Variants in LAMA3 observed in about 807,000 individuals in gnomAD.
The protein encoded by LAMA3 is laminin subunit alpha-3.
LAMA3 carries 281 observed loss-of-function variants against 402.0 expected under a neutral mutation model. That is an observed-to-expected ratio of 0.70 (90% CI 0.63 to 0.77). The LOEUF is 0.77. Ranked by LOEUF, LAMA3 falls within the 30% of genes least tolerant of loss-of-function variation. The pLI is 0.00. For synonymous variants in LAMA3, 1,431 were observed against 1,558.4 expected (o/e 0.92, Z 1.93); for missense variants, 3,840 against 4,215.5 (o/e 0.91, Z 2.47).
chr18:23,705,518 T>A (rs7505751), intron 1 of LAMA3, among the ~76,000 whole-genome samples: 1 of 150,544 alleles, frequency 6.6e-6, no homozygotes, highest in African/African-American at 2.4e-5. Context: ...TACACACATA[T>A]GCACACACAC....
In LAMA3 at chr18:23,847,475, G is replaced by C; in HGVS notation, c.3943G>C (p.Gly1315Arg). ...TATCCCCTGGCCAGCGTGCAGCTGTGGTCGGCGCCTTTGTGAAGAGATGAC... is the reference window on the plus strand; with the variant it reads ...TATCCCCTGGCCAGCGTGCAGCTGTCGTCGGCGCCTTTGTGAAGAGATGAC... ...GFPRCKPCSC[G>R]RRLCEEMTGQ... The change falls in exon 32 of 75, where the codon GGT (glycine) becomes CGT (arginine). Residue 1315 changes from glycine to arginine, a missense_variant. Physicochemically the swap from Gly to Arg is moderately radical, Grantham distance 125 (BLOSUM62 -2). This residue lies in a region of LAMA3 where 2,109 missense variants were observed against 2,376.0 expected (regional missense o/e 0.89). Coordinates refer to ENST00000313654, the MANE Select transcript of LAMA3 (RefSeq NM_198129.4). 1.2e-6 allele frequency: 2 copies of C among 1,612,438 alleles called. No homozygotes were observed. The highest frequency in any genetic ancestry group is 8.5e-7 in the Non-Finnish European group (1 of 1,180,018).
chr18:23,697,606 C>T (rs1189941747), intron 1 of LAMA3, among the ~76,000 whole-genome samples: 2 of 152,128 alleles, frequency 1.3e-5, no homozygotes, highest in East Asian at 1.9e-4. Context: ...GCCAGCATGA[C>T]GTTCAAAGAA....
chr18:23,876,436 A>G, intron 39 of LAMA3, 29 bp downstream of exon 39: 1 of 1,402,636 alleles, frequency 7.1e-7, no homozygotes, highest in Non-Finnish European at 1.0e-6. Context: ...TAATGCTATC[A>G]GCAGACAATC....
Position 23,954,943 on chromosome 18 carries a change from A to C in LAMA3, c.*295A>C, listed in dbSNP as rs1386781056. The C allele has an allele frequency of 2.7e-6, 1 of 377,126 alleles. No individual in the cohort carries two copies. The highest frequency in any genetic ancestry group is 5.7e-5 in the East Asian group (1 of 17,608). The allele number at this position is 377,126 out of a possible 1,614,324, so 23.4% of individuals were successfully genotyped here. ...ACTAAAAAATTAAATGTCTTTTAAG[A>C]AACATTCTTTTCCACTTGTTAAAAA... On this transcript the variant is annotated 3_prime_UTR_variant, in exon 75 of 75. Coordinates refer to ENST00000313654, the MANE Select transcript of LAMA3 (RefSeq NM_198129.4).
In LAMA3 at chr18:23,749,523, A is replaced by G; in HGVS notation, c.661A>G (p.Ile221Val). 1.2e-6 allele frequency: 2 copies of G among 1,606,140 alleles called. No individual in the cohort carries two copies. The change falls in exon 4 of 75, where the codon ATT (isoleucine) becomes GTT (valine). Residue 221 changes from isoleucine to valine, a missense_variant. Around this residue, in one of 3 missense-constraint regions of LAMA3, gnomAD observed 2,109 missense variants for 2,376.0 expected, o/e 0.89. Transcript: ENST00000313654. The part of the protein sequence containing the change: ...DVLCVTEYSR[I>V]VPLENGEVVV... The stretch of plus-strand genomic sequence containing the variant: ...ACTTTGTGTTACTGAATATTCCCGT[A>G]TTGTACCTTTGGAAAATGGTGAGGT...
chr18:23,781,781 C>A (rs1045234767), intron 11 of LAMA3, among the ~76,000 whole-genome samples: 5 of 152,152 alleles, frequency 3.3e-5, no homozygotes, highest in African/African-American at 4.8e-5. Context: ...AATTTTATGA[C>A]CTGCTTTTAG....
In LAMA3 at chr18:23,846,451, A is replaced by G; in HGVS notation, c.3874A>G (p.Ile1292Val). The stretch of plus-strand genomic sequence containing the variant: ...GCAGTGCCCATGCCAGCCCAACGTC[A>G]TCGGGCGGCAGTGCACCCGCTGTGC... ...GGQCPCQPNVIGRQCTRCATG... is the reference protein window; with the variant it reads ...GGQCPCQPNVVGRQCTRCATG... Residue 1292 changes from isoleucine to valine, a missense_variant, in exon 31 of 75, where the codon ATC (isoleucine) becomes GTC (valine). By Grantham distance (29) the Ile-to-Val change is conservative. Around this residue, in one of 3 missense-constraint regions of LAMA3, gnomAD observed 2,109 missense variants for 2,376.0 expected, o/e 0.89. Transcript: ENST00000313654. The G allele has an allele frequency of 1.2e-6, 2 of 1,613,548 alleles. No homozygotes were observed. The highest frequency in any genetic ancestry group is 2.7e-5 in the African/African-American group (2 of 75,066).
At chr18:23,744,946 T>C (rs2061625945) in intron 2 of LAMA3, among the ~76,000 whole-genome samples, 1 of 152,054 alleles carries the variant, frequency 6.6e-6, no homozygotes, top group African/African-American at 2.4e-5. Context: ...AATCCTTGAT[T>C]AAATTCCGAA....
In LAMA3 at chr18:23,833,261, G is replaced by T. The variant is rs556499616; in HGVS notation, c.2824-567G>T. On this transcript the variant is annotated intron_variant, in intron 23 of 74. Transcript: ENST00000313654. Reference sequence around the variant, plus strand: ...ACAGTTTTTCTTAATGAAACAAAACGTGTGTGCATATTTGGGCATAGAAAA... The same window carrying T: ...ACAGTTTTTCTTAATGAAACAAAACTTGTGTGCATATTTGGGCATAGAAAA... Among the ~76,000 whole-genome samples, 3 of 152,256 alleles carry T rather than the reference G, an allele frequency of 2.0e-5. No individual in the cohort carries two copies. The East Asian group carries it at 5.8e-4, about 29-fold the overall frequency.
chr18:23,810,749 G>A (rs1415802612), intron 13 of LAMA3, among the ~76,000 whole-genome samples: 2 of 152,150 alleles, frequency 1.3e-5, no homozygotes, highest in Non-Finnish European at 2.9e-5. Flanking sequence ...AAATTTCCAT[G>A]TGCTATACAT....
intron 37 of LAMA3, among the ~76,000 whole-genome samples, chr18:23,868,235 C>G (rs2064413841): frequency 6.6e-6 from 1 of 152,070 alleles, no homozygotes; most frequent in African/African-American, 2.4e-5. Context: ...AATTCTGAAA[C>G]TTGGATCACT....
chr18:23,943,775 A>G lies in LAMA3; in HGVS notation c.9027-13A>G, dbSNP rs115536623. 228 of 1,613,772 alleles carry G rather than the reference A, an allele frequency of 1.4e-4. 1 individual carries two copies. The African/African-American group carries it at 2.7e-3, about 19-fold the overall frequency. On this transcript the variant is annotated splice_polypyrimidine_tract_variant and intron_variant, in intron 68 of 74. Transcript: ENST00000313654. Reference sequence around the variant, plus strand: ...ACACCTCTATTTCCCTTCATCGCCGATGTTCCCAACAGGTCACAGTTTGCT... The same window carrying G: ...ACACCTCTATTTCCCTTCATCGCCGGTGTTCCCAACAGGTCACAGTTTGCT...
intron 74 of LAMA3, among the ~76,000 whole-genome samples, chr18:23,954,178 G>A (rs1207549206): frequency 6.6e-6 from 1 of 152,046 alleles, no homozygotes; most frequent in African/African-American, 2.4e-5. Flanking sequence ...GAGGCGGGAG[G>A]ATCACTTGAG....
At chr18:23,815,910 TAG>T (rs2144341498) in intron 17 of LAMA3, among the ~76,000 whole-genome samples, 2 of 152,332 alleles carry the variant, frequency 1.3e-5, no homozygotes, top group East Asian at 1.9e-4. Context: ...ATCAGATTTT[TAG>T]AGACAGTGTT....
intron 33 of LAMA3, 110 bp downstream of exon 33, chr18:23,858,098 T>C (rs2064128456): frequency 8.0e-7 from 1 of 1,248,686 alleles, no homozygotes; most frequent in South Asian, 1.2e-5. Context: ...CCGTAAGAGA[T>C]GTTGATAGTG....
intron 1 of LAMA3, chr18:23,710,288 C>A: frequency 1.9e-6 from 1 of 520,466 alleles, no homozygotes; most frequent in Non-Finnish European, 3.5e-6. Context: ...TCGGCGCCAT[C>A]TTGTGAAAAG....
intron 60 of LAMA3, among the ~76,000 whole-genome samples, chr18:23,920,061 A>G (rs1018968104): frequency 6.6e-6 from 1 of 152,178 alleles, no homozygotes; most frequent in Admixed American, 6.5e-5. Context: ...TGAGAAAGAA[A>G]AAAAATGACT....
At position 23,827,421 on chromosome 18, in the gene LAMA3, A is replaced by T; in HGVS notation, c.2777A>T (p.Gln926Leu). 1 of 1,614,204 alleles carries T rather than the reference A, an allele frequency of 6.2e-7. No individual in the cohort carries two copies. Among genetic ancestry groups the T allele is most frequent in the African/African-American group, 1.3e-5 (1 of 75,070 alleles). Residue 926 changes from glutamine to leucine, a missense_variant, in exon 23 of 75, where the codon CAG becomes CTG. Physicochemically the swap from Gln to Leu is moderately radical, Grantham distance 113 (BLOSUM62 -2). This residue lies in a region of LAMA3 where 2,109 missense variants were observed against 2,376.0 expected (regional missense o/e 0.89). Coordinates refer to ENST00000313654, the MANE Select transcript of LAMA3 (RefSeq NM_198129.4). ...GAGCCAAGACCCGTGGCAGTGAGGCAGCCCACACCTGCACACCCTGTCATG... is the reference window on the plus strand; with the variant it reads ...GAGCCAAGACCCGTGGCAGTGAGGCTGCCCACACCTGCACACCCTGTCATG... Reference protein sequence around the residue: ...DGEPRPVAVRQPTPAHPVMVD... With the variant: ...DGEPRPVAVRLPTPAHPVMVD...
At chr18:23,892,430 G>C (rs1243338717) in intron 42 of LAMA3, among the ~76,000 whole-genome samples, 1 of 151,394 alleles carries the variant, frequency 6.6e-6, no homozygotes, top group Non-Finnish European at 1.5e-5. Context: ...ATTCCTTGGT[G>C]GTCAAAATGC....
Sources: allele counts gnomAD v4.1 joint callset (sites outside exome capture counted in the v4.1 genomes callset), GRCh38; gene constraint gnomAD v4.1.1; regional missense constraint gnomAD v4.1.1; transcripts MANE v1.5; gene names NCBI Gene and HGNC (gene_info 2026-07-23, HGNC 2026-07-21).